Variants in ATP8B4 observed in about 807,000 individuals in gnomAD.
ATP8B4 encodes the protein ATPase phospholipid transporting 8B4 (putative), also known as probable phospholipid-transporting ATPase IM.
In ATP8B4, 133 loss-of-function variants were observed where a neutral mutation model predicts 145.6. The observed-to-expected ratio is 0.91, with a 90% CI of 0.79 to 1.05. ATP8B4 has a LOEUF of 1.05. Ranked by LOEUF, ATP8B4 falls within the 50% of genes least tolerant of loss-of-function variation. The probability of loss-of-function intolerance (pLI) is 0.00; values close to 1 mark genes in which losing one functional copy is unlikely to be tolerated. For synonymous variants in ATP8B4, 507 were observed against 492.9 expected (o/e 1.03, Z -0.38); for missense variants, 1,458 against 1,425.2 (o/e 1.02, Z -0.37).
chr15:50,071,664 C>T lies in ATP8B4; in HGVS notation c.87+2463G>A, dbSNP rs570620456. 6.6e-5 allele frequency among the ~76,000 whole-genome samples: 10 copies of T among 152,276 alleles called. No homozygotes were observed. In the East Asian group the frequency reaches 1.9e-3, roughly 29 times the overall value. Reference sequence around the variant, plus strand: ...ATAGAATGGATGAAAAGGCATGGGGCCAAGTCTGGTGTTCACCAGGAGAAG... The same window carrying T: ...ATAGAATGGATGAAAAGGCATGGGGTCAAGTCTGGTGTTCACCAGGAGAAG... On this transcript the variant is annotated intron_variant, in intron 3 of 27. Transcript: ENST00000284509.
At chr15:50,097,144 TAA>T (rs2056041618) in intron 2 of ATP8B4, among the ~76,000 whole-genome samples, 1 of 152,190 alleles carries the variant, frequency 6.6e-6, no homozygotes, top group South Asian at 2.1e-4. Context: ...TATCATTCCA[TAA>T]GAGATAAACC....
At chr15:50,044,717 T>C (rs775006779) in intron 4 of ATP8B4, 25 bp from the exon 5 acceptor site, 2 of 1,542,646 alleles carry the variant, frequency 1.3e-6, no homozygotes, top group African/African-American at 1.4e-5. Flanking sequence ...CCAAATAGTT[T>C]AGGGCTTTTA....
chr15:50,002,154 C>T lies in ATP8B4; in HGVS notation c.505G>A (p.Gly169Arg). Residue 169 changes from glycine (G) to arginine (R), a missense_variant and splice_region_variant, in exon 8 of 28, where the codon GGG becomes AGG. Coordinates refer to ENST00000284509, the MANE Select transcript of ATP8B4 (RefSeq NM_024837.4). ...ATTATTCTAATTTTAATAACTTACC[C>T]ATCAAGCTCAGCAGTTTCAACATAA... is the stretch of plus-strand genomic sequence containing the variant. ...LCYVETAELD[G>R]ETNLKVRHAL... 6.2e-7 allele frequency: 1 copy of T among 1,602,998 alleles called. No homozygotes were observed. The highest frequency in any genetic ancestry group is 8.5e-7 in the Non-Finnish European group (1 of 1,171,986).
At chr15:50,041,567 G>A (rs191183894) in intron 5 of ATP8B4, among the ~76,000 whole-genome samples, 1 of 152,228 alleles carries the variant, frequency 6.6e-6, no homozygotes, top group East Asian at 1.9e-4. Flanking sequence ...AACCTCACAG[G>A]AATCAGTAAA....
At chr15:49,909,333 G>C (rs904130213) in intron 20 of ATP8B4, among the ~76,000 whole-genome samples, 1 of 152,142 alleles carries the variant, frequency 6.6e-6, no homozygotes, top group Non-Finnish European at 1.5e-5. Flanking sequence ...TGGACCTGGG[G>C]AATGGCCTGA....
intron 6 of ATP8B4, among the ~76,000 whole-genome samples, chr15:50,027,794 G>A (rs1009310970): frequency 1.3e-5 from 2 of 152,114 alleles, no homozygotes; most frequent in African/African-American, 2.4e-5. Flanking sequence ...ATAGGTCCTC[G>A]AAAACTATGA....
At chr15:50,104,730 C>T (rs971019820) in intron 2 of ATP8B4, among the ~76,000 whole-genome samples, 4 of 151,996 alleles carry the variant, frequency 2.6e-5, no homozygotes, top group Non-Finnish European at 4.4e-5. Flanking sequence ...TGGGTATCTA[C>T]CCAGAGGAAG....
chr15:49,952,631 G>T (rs1015564428), intron 14 of ATP8B4, among the ~76,000 whole-genome samples: 1 of 152,014 alleles, frequency 6.6e-6, no homozygotes, highest in Non-Finnish European at 1.5e-5. Context: ...TCTTTGCATT[G>T]GGTTAGAACA....
Position 50,010,193 on chromosome 15 carries a change from T to C in ATP8B4, c.435+652A>G, listed in dbSNP as rs574868721. On this transcript the variant is annotated intron_variant, in intron 7 of 27. Transcript: ENST00000284509. ...ATACAATAACTTGAATTTTTTAATC[T>C]CTGATCTCAATAACTTTTGTTACCT... Among the ~76,000 whole-genome samples, 3 of 152,262 alleles carry C rather than the reference T, an allele frequency of 2.0e-5. No individual in the cohort carries two copies. In the East Asian group the frequency reaches 5.8e-4, roughly 29 times the overall value.
chr15:49,947,414 G>A (rs1165705604), intron 14 of ATP8B4, among the ~76,000 whole-genome samples: 2 of 146,968 alleles, frequency 1.4e-5, no homozygotes, highest in Admixed American at 1.4e-4. Context: ...CCTGGCGACT[G>A]GCGACAGAGT....
chr15:49,885,340 G>T (rs2036058612), intron 23 of ATP8B4, among the ~76,000 whole-genome samples: 1 of 152,124 alleles, frequency 6.6e-6, no homozygotes, highest in South Asian at 2.1e-4. Flanking sequence ...CACCCTCTCA[G>T]TGAGACCTTT....
chr15:50,139,866 T>G (rs936888291), intron 1 of ATP8B4, among the ~76,000 whole-genome samples: 17 of 152,212 alleles, frequency 1.1e-4, no homozygotes, highest in African/African-American at 3.6e-4. Flanking sequence ...CACAGCAAGA[T>G]GTTTTCTGCT....
chr15:50,154,858 T>C (rs1468141306), intron 1 of ATP8B4, among the ~76,000 whole-genome samples: 1 of 152,108 alleles, frequency 6.6e-6, no homozygotes, highest in African/African-American at 2.4e-5. Context: ...TATGTTTTGG[T>C]AGAGACAGGG....
At chr15:49,942,285 A>C (rs1466765917) in intron 14 of ATP8B4, among the ~76,000 whole-genome samples, 1 of 152,112 alleles carries the variant, frequency 6.6e-6, no homozygotes, top group African/African-American at 2.4e-5. Context: ...AAAATAATAA[A>C]AGATGAAGTA....
At chr15:50,180,743 G>GC (rs1378976621) in intron 1 of ATP8B4, among the ~76,000 whole-genome samples, 2 of 152,116 alleles carry the variant, frequency 1.3e-5, no homozygotes, top group Admixed American at 6.6e-5. Flanking sequence ...GATGATGAAG[G>GC]CCCCCAGCTC....
intron 15 of ATP8B4, among the ~76,000 whole-genome samples, chr15:49,931,946 G>C (rs2041297517): frequency 1.3e-5 from 2 of 151,366 alleles, no homozygotes; most frequent in Non-Finnish European, 2.9e-5. Flanking sequence ...GGGTAAGAGG[G>C]GAGAGGAGAC....
At chr15:49,870,234 G>A (rs1223137734) in intron 25 of ATP8B4, among the ~76,000 whole-genome samples, 2 of 152,074 alleles carry the variant, frequency 1.3e-5, no homozygotes, top group Non-Finnish European at 2.9e-5. Context: ...AGTTAAGCAA[G>A]AAAAGCATAT....
intron 14 of ATP8B4, among the ~76,000 whole-genome samples, chr15:49,949,182 T>A (rs545698350): frequency 6.6e-6 from 1 of 152,344 alleles, no homozygotes; most frequent in African/African-American, 2.4e-5. Flanking sequence ...AAATTTAACA[T>A]AGCTTTTTCT....
At chr15:49,910,961 G>T (rs764625895) in intron 20 of ATP8B4, among the ~76,000 whole-genome samples, 2 of 152,044 alleles carry the variant, frequency 1.3e-5, no homozygotes, top group African/African-American at 4.8e-5. Context: ...ACACATAAAA[G>T]TGCAAAACTC....
Sources: gnomAD v4.1 joint callset for allele counts (sites outside exome capture counted in the v4.1 genomes callset) on GRCh38, gnomAD v4.1.1 for gene constraint, MANE v1.5 for transcripts, NCBI Gene and HGNC (gene_info 2026-07-23, HGNC 2026-07-21) for gene names.